The following FAT3 variants were observed in gnomAD, a reference collection of about 807,000 sequenced individuals.
FAT3 encodes the protein FAT atypical cadherin 3, also known as protocadherin Fat 3.
In FAT3, 95 loss-of-function variants were observed where a neutral mutation model predicts 310.2. The observed-to-expected ratio is 0.31, with a 90% CI of 0.26 to 0.36. FAT3 has a LOEUF of 0.36. Among genes scored for constraint, FAT3 ranks in the 10% least tolerant of loss-of-function variants. The pLI, the probability that FAT3 is intolerant of heterozygous loss-of-function variation, is 1.00. For synonymous variants in FAT3, 2,314 were observed against 2,192.9 expected (o/e 1.06, Z -1.54); for missense variants, 5,408 against 5,715.6 (o/e 0.95, Z 1.74).
intron 2 of FAT3, among the ~76,000 whole-genome samples, chr11:92,504,894 T>C (rs1355301496): frequency 6.6e-6 from 1 of 152,012 alleles, no homozygotes; most frequent in Non-Finnish European, 1.5e-5. Flanking sequence ...TAAGGGTAGG[T>C]TATAAGTATG....
At chr11:92,348,918 A>G (rs1048650399) in intron 1 of FAT3, among the ~76,000 whole-genome samples, 2 of 152,174 alleles carry the variant, frequency 1.3e-5, no homozygotes, top group Non-Finnish European at 2.9e-5. Flanking sequence ...GTTCTGTTCA[A>G]CAAACCAGTG....
chr11:92,374,634 G>A (rs572775958), intron 2 of FAT3, among the ~76,000 whole-genome samples: 5 of 152,204 alleles, frequency 3.3e-5, no homozygotes, highest in Non-Finnish European at 5.9e-5. Context: ...ATGCAGATTT[G>A]TTAAGCATAG....
intron 3 of FAT3, among the ~76,000 whole-genome samples, chr11:92,642,810 G>A (rs940454140): frequency 2.6e-5 from 4 of 152,174 alleles, no homozygotes; most frequent in African/African-American, 4.8e-5. Context: ...GAGTCCTGGG[G>A]CATTCCCATG....
chr11:92,478,958 T>TTTTCTTTTCA (rs1952134636), intron 2 of FAT3, among the ~76,000 whole-genome samples: 2 of 113,658 alleles, frequency 1.8e-5, no homozygotes, highest in Non-Finnish European at 3.6e-5. Flanking sequence ...CTTTCTTTTC[T>TTTTCTTTTCA]TTTCTTTTCT....
intron 22 of FAT3, among the ~76,000 whole-genome samples, chr11:92,872,923 C>G (rs1453801360): frequency 1.3e-5 from 2 of 152,176 alleles, no homozygotes; most frequent in Admixed American, 6.5e-5. Context: ...ACATGATAAC[C>G]TATCCACCAG....
intron 1 of FAT3, among the ~76,000 whole-genome samples, chr11:92,226,255 A>C (rs1244128183): frequency 2.6e-5 from 4 of 152,152 alleles, no homozygotes; most frequent in Non-Finnish European, 4.4e-5. Flanking sequence ...GAGCCCGGAT[A>C]TTTTTAGCTG....
At chr11:92,785,679 C>A (rs1946872535) in intron 7 of FAT3, among the ~76,000 whole-genome samples, 1 of 151,788 alleles carries the variant, frequency 6.6e-6, no homozygotes, top group Non-Finnish European at 1.5e-5. Flanking sequence ...CTAAATGTTC[C>A]CAGAAAAGTA....
intron 2 of FAT3, among the ~76,000 whole-genome samples, chr11:92,379,361 T>C (rs565838424): frequency 1.4e-4 from 21 of 152,314 alleles, no homozygotes; most frequent in Non-Finnish European, 1.9e-4. Flanking sequence ...AAGCCATAGC[T>C]TTGTTTCTCT....
chr11:92,336,137 G>C, intron 1 of FAT3: 1 of 539,218 alleles, frequency 1.9e-6, no homozygotes. Flanking sequence ...TCTCAGCTCT[G>C]CAGTGGGCCC....
intron 4 of FAT3, among the ~76,000 whole-genome samples, chr11:92,726,021 A>G (rs1004861682): frequency 6.6e-6 from 1 of 152,148 alleles, no homozygotes. Context: ...GGAAAAAATA[A>G]TTATTTAAGG....
intron 4 of FAT3, among the ~76,000 whole-genome samples, chr11:92,749,220 A>G (rs989673422): frequency 2.6e-5 from 4 of 152,180 alleles, no homozygotes. Flanking sequence ...ATTATTTTTA[A>G]GAGCTCAGCA....
chr11:92,644,758 T>C (rs539123133), intron 3 of FAT3, among the ~76,000 whole-genome samples: 1 of 152,342 alleles, frequency 6.6e-6, no homozygotes, highest in Non-Finnish European at 1.5e-5. Context: ...GGCCCAGGTA[T>C]TGCACTTTGG....
chr11:92,395,308 G>T (rs926920467), intron 2 of FAT3, among the ~76,000 whole-genome samples: 44 of 152,140 alleles, frequency 2.9e-4, no homozygotes, highest in South Asian at 1.7e-3. Context: ...TATAGTGGGT[G>T]CTCATTAAGT....
At chr11:92,443,287 G>A (rs1379722608) in intron 2 of FAT3, among the ~76,000 whole-genome samples, 1 of 152,208 alleles carries the variant, frequency 6.6e-6, no homozygotes, top group South Asian at 2.1e-4. Context: ...TTGAGGAGCA[G>A]CAATGGGATG....
intron 3 of FAT3, among the ~76,000 whole-genome samples, chr11:92,679,043 CAT>C (rs1158793265): frequency 5.9e-5 from 9 of 152,148 alleles, no homozygotes; most frequent in African/African-American, 1.7e-4. Context: ...ATCGTGCAAA[CAT>C]GTGATATTTG....
Position 92,774,039 on chromosome 11 carries a change from AG to A in FAT3, c.4200del. On this transcript the variant is annotated splice_acceptor_variant, in intron 6 of 27. Coordinates refer to ENST00000525166, the MANE Select transcript of FAT3 (RefSeq NM_001367949.2). LOFTEE classifies it high-confidence loss of function. The stretch of plus-strand genomic sequence containing the variant: ...AATTTCATGTTTCTGTGAAATCATC[AG>A]GGGGGAATTTTGACAGCGCTTTTGA... 1 of 1,612,680 alleles carries A rather than the reference AG, an allele frequency of 6.2e-7. No individual in the cohort carries two copies. The highest frequency in any genetic ancestry group is 2.2e-5 in the East Asian group (1 of 44,860).
At chr11:92,330,698 C>T (rs1947895486) in intron 1 of FAT3, among the ~76,000 whole-genome samples, 1 of 151,988 alleles carries the variant, frequency 6.6e-6, no homozygotes, top group South Asian at 2.1e-4. Flanking sequence ...CAAAAATATG[C>T]AAATAAATGG....
chr11:92,868,962 G>T (rs916206912), intron 22 of FAT3, among the ~76,000 whole-genome samples: 2 of 152,122 alleles, frequency 1.3e-5, no homozygotes, highest in Non-Finnish European at 2.9e-5. Context: ...ATAACCTAGA[G>T]AACTTGTCTT....
chr11:92,717,893 G>A (rs1391603224), intron 4 of FAT3, among the ~76,000 whole-genome samples: 1 of 152,058 alleles, frequency 6.6e-6, no homozygotes, highest in Non-Finnish European at 1.5e-5. Flanking sequence ...TTTACTCATC[G>A]TGAAATGAGT....
Sources: gnomAD v4.1 joint callset for allele counts (sites outside exome capture counted in the v4.1 genomes callset) on GRCh38, gnomAD v4.1.1 for gene constraint, MANE v1.5 for transcripts, NCBI Gene and HGNC (gene_info 2026-07-23, HGNC 2026-07-21) for gene names.